The following SORT1 variants were observed in gnomAD, a reference collection of about 807,000 sequenced individuals.
SORT1 encodes the protein sortilin 1.
SORT1 carries 39 observed loss-of-function variants against 101.7 expected under a neutral mutation model. That is an observed-to-expected ratio of 0.38 (90% CI 0.30 to 0.50). The LOEUF is 0.50. Ranked by LOEUF, SORT1 falls within the 20% of genes least tolerant of loss-of-function variation. SORT1 has a pLI of 0.90. For missense variants in SORT1, 878 were observed against 1,040.4 expected (o/e 0.84, Z 2.15); for synonymous variants, 396 against 393.7 (o/e 1.01, Z -0.07).
At chr1:109,362,478 A>T (rs531183702) in intron 3 of SORT1, among the ~76,000 whole-genome samples, 3 of 152,314 alleles carry the variant, frequency 2.0e-5, no homozygotes, top group African/African-American at 7.2e-5. Flanking sequence ...CAAGATTTGA[A>T]TTCATAATAA....
chr1:109,388,591 A>G (rs1272488505), intron 1 of SORT1, among the ~76,000 whole-genome samples: 1 of 152,210 alleles, frequency 6.6e-6, no homozygotes. Flanking sequence ...ACCTATAATA[A>G]TTCTCTAGAA....
chr1:109,356,217 G>A (rs1650315336), intron 3 of SORT1, among the ~76,000 whole-genome samples: 1 of 152,150 alleles, frequency 6.6e-6, no homozygotes, highest in Admixed American at 6.5e-5. Flanking sequence ...AGGTGCTACT[G>A]GCATTAAGTG....
At chr1:109,316,522 G>T (rs1036811247) in intron 17 of SORT1, among the ~76,000 whole-genome samples, 4 of 152,128 alleles carry the variant, frequency 2.6e-5, no homozygotes, top group African/African-American at 4.8e-5. Flanking sequence ...GTGAGCCACT[G>T]TACCCAGCCC....
chr1:109,350,490 T>C (rs1649890547), intron 6 of SORT1, among the ~76,000 whole-genome samples: 1 of 152,226 alleles, frequency 6.6e-6, no homozygotes, highest in Admixed American at 6.5e-5. Flanking sequence ...CAATGTGACT[T>C]CAGGAGTCTG....
chr1:109,359,434 A>C (rs1011828116), intron 3 of SORT1, among the ~76,000 whole-genome samples: 4 of 152,096 alleles, frequency 2.6e-5, no homozygotes, highest in Non-Finnish European at 4.4e-5. Context: ...CCATTCCTCC[A>C]AACTCATGTC....
chr1:109,336,256 G>A lies in SORT1; in HGVS notation c.1355C>T (p.Ala452Val). Residue 452 changes from alanine to valine, a missense_variant, in exon 11 of 20, where the codon GCA becomes GTA. Around this residue, in one of 2 missense-constraint regions of SORT1, gnomAD observed 684 missense variants for 894.5 expected, o/e 0.76. Transcript: ENST00000256637. ...TAAACAAACCTCATTCTTGTTTTTT[G>A]CTGTAGCATCACATTCACTGTTTTC... ...KPENSECDAT[A>V]KNKNECSLHI... 1 of 1,609,880 alleles carries A rather than the reference G, an allele frequency of 6.2e-7. No homozygotes were observed. The highest frequency in any genetic ancestry group is 8.5e-7 in the Non-Finnish European group (1 of 1,176,316).
At chr1:109,371,499 A>G (rs1421918647) in intron 1 of SORT1, among the ~76,000 whole-genome samples, 1 of 152,172 alleles carries the variant, frequency 6.6e-6, no homozygotes, top group African/African-American at 2.4e-5. Context: ...AGAAAAGAAA[A>G]AGTCCATCAG....
At chr1:109,376,903 GA>G (rs1651893426) in intron 1 of SORT1, among the ~76,000 whole-genome samples, 2 of 152,066 alleles carry the variant, frequency 1.3e-5, no homozygotes, top group African/African-American at 4.8e-5. Context: ...TTTCAAAAAG[GA>G]AAAGTTCTGT....
At chr1:109,322,575 C>A (rs1248576193) in intron 15 of SORT1, among the ~76,000 whole-genome samples, 1 of 152,194 alleles carries the variant, frequency 6.6e-6, no homozygotes, top group Non-Finnish European at 1.5e-5. Context: ...GTCCCCCAGG[C>A]TGGAGTGCAA....
rs545514605 is a variant in SORT1 at position 109,369,454 on chromosome 1, T to C, written c.366+76A>G. ...AGACAGTTTCAGGAAGAAATGATAT[T>C]AGGTGCTTAACCCTTCCCCAAATCT... is the stretch of plus-strand genomic sequence containing the variant. On this transcript the variant is annotated intron_variant, in intron 2 of 19. Transcript: ENST00000256637. The C allele has an allele frequency of 2.4e-5, 21 of 886,258 alleles. No individual in the cohort carries two copies. In the African/African-American group the frequency reaches 3.3e-4, roughly 14 times the overall value. 54.9% of individuals were successfully genotyped at this position (886,258 alleles called of 1,614,324 possible). A position where few individuals can be genotyped will look rare whatever the true frequency, so the allele number is the denominator to read the frequency against.
chr1:109,387,299 T>A (rs980045867), intron 1 of SORT1, among the ~76,000 whole-genome samples: 8 of 150,598 alleles, frequency 5.3e-5, no homozygotes, highest in Admixed American at 1.3e-4. Flanking sequence ...TCTCAAAAAA[T>A]AAATAAATAA....
chr1:109,320,383 C>T (rs1253301559), intron 15 of SORT1, among the ~76,000 whole-genome samples: 1 of 152,190 alleles, frequency 6.6e-6, no homozygotes, highest in East Asian at 1.9e-4. Flanking sequence ...CATTACCTTC[C>T]TTCCCACTAT....
chr1:109,326,574 C>CAT (rs1172910956), intron 13 of SORT1, among the ~76,000 whole-genome samples: 4 of 144,946 alleles, frequency 2.8e-5, no homozygotes, highest in Non-Finnish European at 6.0e-5. Flanking sequence ...CACACACATA[C>CAT]ATATATACAC....
At chr1:109,325,738 G>C (rs1256883144) in intron 13 of SORT1, among the ~76,000 whole-genome samples, 2 of 151,990 alleles carry the variant, frequency 1.3e-5, no homozygotes. Context: ...ATTTTGGGAG[G>C]CTGAGGCAGG....
intron 1 of SORT1, chr1:109,393,325 G>C (rs1416654995): frequency 1.0e-6 from 1 of 984,554 alleles, no homozygotes; most frequent in East Asian, 1.1e-4. Context: ...CAGAAAATAA[G>C]CAAGAGTTCC....
At chr1:109,338,666 T>C (rs1054439458) in intron 10 of SORT1, among the ~76,000 whole-genome samples, 1 of 152,184 alleles carries the variant, frequency 6.6e-6, no homozygotes, top group Non-Finnish European at 1.5e-5. Flanking sequence ...ACTCACTTTA[T>C]TACCTAAACA....
chr1:109,315,748 C>CTT (rs553898685), intron 17 of SORT1, among the ~76,000 whole-genome samples: 6,534 of 124,620 alleles, frequency 0.052, 271 homozygotes, highest in South Asian at 0.1. Flanking sequence ...GCCTCATAAC[C>CTT]TTTTTTTTTT....
chr1:109,319,760 G>A (rs576043176), intron 15 of SORT1, among the ~76,000 whole-genome samples: 27 of 152,134 alleles, frequency 1.8e-4, no homozygotes, highest in Non-Finnish European at 3.4e-4. Context: ...CCAGCTACTC[G>A]GGAGGCTGAG....
At chr1:109,334,914 G>T (rs1035942133) in intron 11 of SORT1, among the ~76,000 whole-genome samples, 6 of 152,006 alleles carry the variant, frequency 3.9e-5, no homozygotes, top group African/African-American at 1.5e-4. Context: ...TGGCTAAAAT[G>T]ATAATAAATA....
Sources: gnomAD v4.1 joint callset for allele counts (sites outside exome capture counted in the v4.1 genomes callset) on GRCh38, gnomAD v4.1.1 for gene constraint, gnomAD v4.1.1 regional missense constraint, MANE v1.5 for transcripts, NCBI Gene and HGNC (gene_info 2026-07-23, HGNC 2026-07-21) for gene names.